Variants in GTF2A1L observed in about 807,000 individuals in gnomAD.
GTF2A1L encodes the protein general transcription factor IIA subunit 1 like, also known as TFIIA-alpha and beta-like factor.
Under a neutral mutation model 49.7 loss-of-function variants are expected in GTF2A1L, and 48 were observed. That is an observed-to-expected ratio of 0.97 (90% confidence interval 0.77 to 1.23). The LOEUF (loss-of-function observed/expected upper bound fraction) is 1.23. Ranked by LOEUF, GTF2A1L falls within the 50% of genes most tolerant of loss-of-function variation. The probability of loss-of-function intolerance (pLI) is 0.00; values close to 1 mark genes in which losing one functional copy is unlikely to be tolerated. For missense variants in GTF2A1L, 736 were observed against 564.8 expected, an observed-to-expected ratio of 1.30 and a Z score of -3.07; for synonymous variants, 246 against 193.5, an observed-to-expected ratio of 1.27 and a Z score of -2.25.
chr2:48,635,833 A>G (rs1470750204), intron 3 of GTF2A1L, among the ~76,000 whole-genome samples: 1 of 152,096 alleles, frequency 6.6e-6, no homozygotes, highest in Non-Finnish European at 1.5e-5. Context: ...TGTCTGGGAA[A>G]GTGTCTGCAG....
Position 48,624,178 on chromosome 2 carries a change from C to T in GTF2A1L, c.247+2888C>T, listed in dbSNP as rs1272382993. On this transcript the variant is annotated intron_variant, in intron 3 of 8. Transcript: ENST00000403751. The stretch of plus-strand genomic sequence containing the variant: ...CCTTTAAGCTCATAAAAATTAAGGA[C>T]CCCAAATAGCTTTTAAAATGTGGGT... 2.1e-5 allele frequency among the ~76,000 whole-genome samples: 3 copies of T among 143,604 alleles called. 1 individual carries two copies. The highest frequency in any genetic ancestry group is 4.7e-5 in the Non-Finnish European group (3 of 63,802). 94.2% of individuals were successfully genotyped at this position (143,604 alleles called of 152,430 possible). A position where few individuals can be genotyped will look rare whatever the true frequency, so the allele number is the denominator to read the frequency against.
At chr2:48,633,421 T>C (rs545266950) in intron 3 of GTF2A1L, 1 of 153,002 alleles carries the variant, frequency 6.5e-6, no homozygotes, top group Non-Finnish European at 1.5e-5. Context: ...AGAGTGAACA[T>C]GATGCAGCTG....
At chr2:48,645,149 T>G (rs1281396940) in intron 5 of GTF2A1L, 32 bp downstream of exon 5, 10 of 1,566,034 alleles carry the variant, frequency 6.4e-6, no homozygotes, top group Non-Finnish European at 8.6e-6. Context: ...CTTTTTGTTT[T>G]CAGCATTGGT....
At chr2:48,655,385 C>G (rs2056581) in intron 6 of GTF2A1L, among the ~76,000 whole-genome samples, 77,996 of 151,792 alleles carry the variant, frequency 0.51, 21,977 homozygotes, top group East Asian at 0.93. Context: ...CAGACAGAGT[C>G]TCACTGTGTT....
intron 6 of GTF2A1L, among the ~76,000 whole-genome samples, chr2:48,661,041 TG>T (rs1678465731): frequency 6.6e-6 from 1 of 152,194 alleles, no homozygotes; most frequent in Non-Finnish European, 1.5e-5. Context: ...CTCTTGGTTT[TG>T]TTGATTTTTC....
intron 3 of GTF2A1L, among the ~76,000 whole-genome samples, chr2:48,627,999 A>G (rs1330268798): frequency 6.9e-6 from 1 of 144,008 alleles, no homozygotes; most frequent in African/African-American, 2.5e-5. Flanking sequence ...TTCCTGCATT[A>G]ATTCACTTAG....
chr2:48,676,637 G>A (rs551799262), intron 8 of GTF2A1L, among the ~76,000 whole-genome samples: 7 of 151,856 alleles, frequency 4.6e-5, no homozygotes, highest in Admixed American at 2.6e-4. Flanking sequence ...ATACACAGAA[G>A]TACTTTTTAC....
At chr2:48,634,725 T>TA (rs1243430559) in intron 3 of GTF2A1L, among the ~76,000 whole-genome samples, 1 of 152,234 alleles carries the variant, frequency 6.6e-6, no homozygotes, top group Non-Finnish European at 1.5e-5. Context: ...AATAGGCCCC[T>TA]AGTCTCTCCT....
At chr2:48,645,245 A>G in intron 5 of GTF2A1L, 128 bp downstream of exon 5, 4 of 864,982 alleles carry the variant, frequency 4.6e-6, no homozygotes, top group Non-Finnish European at 6.7e-6. Context: ...TTGATTTTAA[A>G]AGTAATGATA....
At chr2:48,622,449 A>G (rs1406736932) in intron 3 of GTF2A1L, among the ~76,000 whole-genome samples, 1 of 152,104 alleles carries the variant, frequency 6.6e-6, no homozygotes, top group Non-Finnish European at 1.5e-5. Flanking sequence ...TGTTTAAATA[A>G]CATTCCTTTG....
At chr2:48,677,140 T>A (rs1328440113) in intron 8 of GTF2A1L, among the ~76,000 whole-genome samples, 2 of 151,990 alleles carry the variant, frequency 1.3e-5, no homozygotes, top group African/African-American at 2.4e-5. Flanking sequence ...CTGGTAAGGT[T>A]AGTAATTCTT....
chr2:48,617,971 T>G (rs1413920174), intron 1 of GTF2A1L, 76 bp downstream of exon 1: 6 of 1,423,116 alleles, frequency 4.2e-6, no homozygotes, highest in Non-Finnish European at 5.8e-6. Flanking sequence ...CCCTGCACCT[T>G]TTGTTTCCCC....
chr2:48,667,361 A>T (rs1678911529), intron 6 of GTF2A1L, among the ~76,000 whole-genome samples: 1 of 152,138 alleles, frequency 6.6e-6, no homozygotes, highest in Non-Finnish European at 1.5e-5. Context: ...ATAGAGAGAT[A>T]TGTTTGTATG....
chr2:48,622,958 T>G (rs1676091944), intron 3 of GTF2A1L, among the ~76,000 whole-genome samples: 1 of 151,482 alleles, frequency 6.6e-6, no homozygotes, highest in Non-Finnish European at 1.5e-5. Context: ...TTGCAACTAG[T>G]GTATCAAGTT....
Position 48,656,348 on chromosome 2 carries a change from G to GTTTTTTT in GTF2A1L, c.978+9329_978+9335dup, listed in dbSNP as rs367837291. Among the ~76,000 whole-genome samples the GTTTTTTT allele has an allele frequency of 1.6e-4, 18 of 114,548 alleles. 1 individual carries two copies. Among genetic ancestry groups the GTTTTTTT allele is most frequent in the African/African-American group, 5.6e-4 (16 of 28,668 alleles). 75.1% of individuals were successfully genotyped at this position (114,548 alleles called of 152,430 possible). A position where few individuals can be genotyped will look rare whatever the true frequency, so the allele number is the denominator to read the frequency against. ...ATATCCCCACCAACGCTTATTTTCT[G>GTTTTTTT]TTTTTTTTTTTTTTTTTTTTTTTTT... On this transcript the variant is annotated intron_variant, in intron 6 of 8. Coordinates refer to ENST00000403751, the MANE Select transcript of GTF2A1L (RefSeq NM_006872.5).
chr2:48,673,645 C>T (rs1386401775), intron 8 of GTF2A1L, among the ~76,000 whole-genome samples: 1 of 152,080 alleles, frequency 6.6e-6, no homozygotes, highest in Non-Finnish European at 1.5e-5. Flanking sequence ...AGCCACTGCA[C>T]CCAGCCGACA....
intron 5 of GTF2A1L, among the ~76,000 whole-genome samples, chr2:48,646,109 G>GT (rs537941156): frequency 1.3e-5 from 2 of 152,070 alleles, no homozygotes; most frequent in African/African-American, 2.4e-5. Context: ...TTAAAATCCA[G>GT]TTTTTTGGCT....
At position 48,628,929 on chromosome 2, in the gene GTF2A1L, G is replaced by A. The variant is rs553533656; in HGVS notation, c.247+7639G>A. ...ACTGCTTGCAGAGTCCAGTTAACAA[G>A]AGGGAGGTGTGGTAGGAAGAAAGTG... On this transcript the variant is annotated intron_variant, in intron 3 of 8. Coordinates refer to ENST00000403751, the MANE Select transcript of GTF2A1L (RefSeq NM_006872.5). Among the ~76,000 whole-genome samples, 6 of 143,922 alleles carry A rather than the reference G, an allele frequency of 4.2e-5. No individual in the cohort carries two copies. The East Asian group carries it at 1.2e-3, about 28-fold the overall frequency. The allele number at this position is 143,922 out of a possible 152,430, so 94.4% of individuals were successfully genotyped here. A position where few individuals can be genotyped will look rare whatever the true frequency, so the allele number is the denominator to read the frequency against.
In GTF2A1L at chr2:48,671,593, C is replaced by G; in HGVS notation, c.1242C>G (p.Asp414Glu). The stretch of plus-strand genomic sequence containing the variant: ...ATGTGATCATCTTTCGTCTTTAGGA[C>G]CCTTTAAATTCTGGAGATGATGTTA... ...EDPQVNIVEE[D>E]PLNSGDDVSE... Residue 414 changes from aspartate to glutamate, a missense_variant and splice_region_variant, in exon 8 of 9, where the codon GAC becomes GAG. By Grantham distance (45) the Asp-to-Glu change is conservative. Coordinates refer to ENST00000403751, the MANE Select transcript of GTF2A1L (RefSeq NM_006872.5). The G allele has an allele frequency of 6.2e-7, 1 of 1,612,736 alleles. No individual in the cohort carries two copies. Among genetic ancestry groups the G allele is most frequent in the Non-Finnish European group, 8.5e-7 (1 of 1,179,388 alleles).
Sources: allele counts gnomAD v4.1 joint callset (sites outside exome capture counted in the v4.1 genomes callset), GRCh38; gene constraint gnomAD v4.1.1; transcripts MANE v1.5; gene names NCBI Gene and HGNC (gene_info 2026-07-23, HGNC 2026-07-21).